The following FAS variants were observed in gnomAD, a reference collection of about 807,000 sequenced individuals.
The protein encoded by FAS is tumor necrosis factor receptor superfamily member 6.
In FAS, 5 loss-of-function variants were observed where a neutral mutation model predicts 33.2. The ratio of observed to expected loss-of-function variants is 0.15; its 90% CI spans 0.08 to 0.32. The LOEUF (loss-of-function observed/expected upper bound fraction) is 0.32. Ranked by LOEUF, FAS falls within the 10% of genes least tolerant of loss-of-function variation. The pLI is 1.00. For synonymous variants in FAS, 131 were observed against 130.7 expected, an observed-to-expected ratio of 1.00 and a Z score of -0.01; for missense variants, 339 against 386.0, an observed-to-expected ratio of 0.88 and a Z score of 1.02.
In FAS at chr10:89,010,676, T is replaced by C. The variant is rs1250820776; in HGVS notation, c.505+76T>C. On this transcript the variant is annotated intron_variant, in intron 5 of 8. Coordinates refer to ENST00000652046, the MANE Select transcript of FAS (RefSeq NM_000043.6). ...GATGTGAAGAAAAACCAATCACTCT[T>C]GATTACTAGAAAGTCCTTTATTTAA... is the stretch of plus-strand genomic sequence containing the variant. The C allele has an allele frequency of 2.5e-6, 4 of 1,607,138 alleles. No individual in the cohort carries two copies. The African/African-American group carries it at 4.0e-5, about 16-fold the overall frequency.
intron 2 of FAS, among the ~76,000 whole-genome samples, chr10:88,976,062 C>T (rs1446975005): frequency 6.6e-6 from 1 of 152,172 alleles, no homozygotes; most frequent in Non-Finnish European, 1.5e-5. Flanking sequence ...CCATACATTA[C>T]TATTATCAAT....
At chr10:88,993,399 A>C (rs1171071812) in intron 1 of FAS, among the ~76,000 whole-genome samples, 9 of 152,030 alleles carry the variant, frequency 5.9e-5, no homozygotes. Context: ...CCAGCTTGCT[A>C]ATTGAAGGGA....
chr10:88,993,908 G>A (rs1170741244), intron 1 of FAS, among the ~76,000 whole-genome samples: 1 of 152,024 alleles, frequency 6.6e-6, no homozygotes, highest in African/African-American at 2.4e-5. Flanking sequence ...CAACCAGGAT[G>A]GAAAAACACA....
At chr10:88,996,162 A>G (rs373848408) in intron 1 of FAS, among the ~76,000 whole-genome samples, 73 of 151,628 alleles carry the variant, frequency 4.8e-4, no homozygotes, top group African/African-American at 1.6e-3. Flanking sequence ...TGAAAAAGAG[A>G]GCGAGAGGAA....
chr10:88,991,390 G>C (rs540869881), intron 1 of FAS: 3 of 296,138 alleles, frequency 1.0e-5, no homozygotes, highest in Admixed American at 4.9e-5. Flanking sequence ...GGCGGGGAGA[G>C]AGCCTGCAGC....
At chr10:89,011,641 T>C (rs1848533821) in intron 6 of FAS, among the ~76,000 whole-genome samples, 1 of 152,232 alleles carries the variant, frequency 6.6e-6, no homozygotes, top group Non-Finnish European at 1.5e-5. Context: ...TGGGCATCCA[T>C]AGCAAGTTGA....
At chr10:88,998,369 C>CA (rs1847727242) in intron 1 of FAS, among the ~76,000 whole-genome samples, 2 of 141,328 alleles carry the variant, frequency 1.4e-5, no homozygotes, top group South Asian at 4.4e-4. Flanking sequence ...AAAATCAAAA[C>CA]AAAAACAGTG....
chr10:89,013,347 C>T lies in FAS; in HGVS notation c.656C>T (p.Thr219Ile), dbSNP rs1180877165. The T allele has an allele frequency of 6.2e-7, 1 of 1,611,638 alleles. No individual in the cohort carries two copies. Among genetic ancestry groups the T allele is most frequent in the Admixed American group, 1.7e-5 (1 of 59,982 alleles). ...SHESPTLNPE[T>I]VAINLSDVDL... ...CTTCCATTTTTTGCTTTCTAGGAAA[C>T]AGTGGCAATAAATTTATCTGGTAAG... The change falls in exon 8 of 9, where the codon ACA (threonine) becomes ATA (isoleucine). Residue 219 changes from threonine (T) to isoleucine (I), a missense_variant. By Grantham distance (89) the Thr-to-Ile change is moderately conservative. Coordinates refer to ENST00000652046, the MANE Select transcript of FAS (RefSeq NM_000043.6).
In FAS at chr10:89,000,274, A is replaced by G. The variant is rs145191969; in HGVS notation, c.31-2755A>G. 2.0e-3 allele frequency among the ~76,000 whole-genome samples: 305 copies of G among 152,352 alleles called. 1 individual carries two copies. Among genetic ancestry groups the G allele is most frequent in the Admixed American group, 3.8e-3 (58 of 15,304 alleles). ...TAAAGAATTCAATGTTGATAATTCA[A>G]AGGTTTAGAATTTTTTCCACCTTTC... On this transcript the variant is annotated intron_variant, in intron 1 of 8. Coordinates refer to ENST00000652046, the MANE Select transcript of FAS (RefSeq NM_000043.6).
intron 2 of FAS, among the ~76,000 whole-genome samples, chr10:88,980,222 A>C (rs1268405212): frequency 6.6e-6 from 1 of 152,218 alleles, no homozygotes; most frequent in Non-Finnish European, 1.5e-5. Context: ...AACATAATGC[A>C]CTTTAAATGT....
At chr10:88,972,734 T>C (rs892721405) in intron 1 of FAS, among the ~76,000 whole-genome samples, 1 of 152,234 alleles carries the variant, frequency 6.6e-6, no homozygotes, top group African/African-American at 2.4e-5. Context: ...CATCCCATTA[T>C]AATGTATATT....
intron 4 of FAS, 25 bp from the exon 5 acceptor site, chr10:89,010,514 A>G (rs760893800): frequency 1.2e-6 from 2 of 1,603,510 alleles, no homozygotes; most frequent in Non-Finnish European, 1.7e-6. Flanking sequence ...AGGCTTTTGA[A>G]TTTCTCCTGT....
At chr10:88,972,583 A>G (rs1188819134) in intron 1 of FAS, among the ~76,000 whole-genome samples, 4 of 150,790 alleles carry the variant, frequency 2.7e-5, no homozygotes, top group Admixed American at 2.6e-4. Flanking sequence ...TAATTTATCT[A>G]TTAGCTTTTT....
intron 1 of FAS, among the ~76,000 whole-genome samples, chr10:89,001,908 A>T (rs894785918): frequency 2.0e-5 from 3 of 152,202 alleles, no homozygotes; most frequent in African/African-American, 7.2e-5. Flanking sequence ...TGTTCTGAGA[A>T]ATTCAGTGCC....
intron 1 of FAS, among the ~76,000 whole-genome samples, chr10:88,967,211 C>T (rs184136932): frequency 1.3e-5 from 2 of 152,236 alleles, no homozygotes; most frequent in African/African-American, 4.8e-5. Flanking sequence ...CTGAAGAGCT[C>T]CCAGTTCTTT....
upstream of FAS, among the ~76,000 whole-genome samples, chr10:88,982,472 T>C (rs1050917251): frequency 2.6e-5 from 4 of 152,048 alleles, no homozygotes; most frequent in Non-Finnish European, 5.9e-5. Context: ...AATGGCAGAA[T>C]ATGTGGTACA....
chr10:88,978,145 A>G (rs1846616453), intron 2 of FAS, among the ~76,000 whole-genome samples: 1 of 108,236 alleles, frequency 9.2e-6, no homozygotes, highest in African/African-American at 3.5e-5. Flanking sequence ...AAACTATCGC[A>G]AGAACAAAAA....
intron 1 of FAS, among the ~76,000 whole-genome samples, chr10:89,000,691 T>C (rs550295261): frequency 1.3e-5 from 2 of 152,348 alleles, no homozygotes; most frequent in South Asian, 2.1e-4. Flanking sequence ...CATTTTTTTC[T>C]GCAGTAGCTG....
rs1848822488 is a variant in FAS at position 89,016,775 on chromosome 10, G to A, written c.*2325G>A. ...GCTGCAGAAAAAAAGGCTATTTGCAGAAGGAGCTCACAGATCACATTGAAA... is the reference window on the plus strand; with the variant it reads ...GCTGCAGAAAAAAAGGCTATTTGCAAAAGGAGCTCACAGATCACATTGAAA... On this transcript the variant is annotated 3_prime_UTR_variant, in exon 9 of 9. Transcript: ENST00000652046. 1 of 221,634 alleles carries A rather than the reference G, an allele frequency of 4.5e-6. No homozygotes were observed. Among genetic ancestry groups the A allele is most frequent in the Admixed American group, 5.8e-5 (1 of 17,380 alleles). 13.7% of individuals were successfully genotyped at this position (221,634 alleles called of 1,614,324 possible).
Sources: allele counts gnomAD v4.1 joint callset (sites outside exome capture counted in the v4.1 genomes callset), GRCh38; gene constraint gnomAD v4.1.1; transcripts MANE v1.5; gene names NCBI Gene and HGNC (gene_info 2026-07-23, HGNC 2026-07-21).